The following COMMD10 variants were observed in gnomAD, a reference collection of about 807,000 sequenced individuals.
The protein encoded by COMMD10 is COMM domain containing 10.
COMMD10 carries 33 observed loss-of-function variants against 28.9 expected under a neutral mutation model. The observed-to-expected ratio is 1.14, with a 90% CI of 0.87 to 1.53. The LOEUF (loss-of-function observed/expected upper bound fraction) is 1.53, where lower values mean the gene tolerates loss of function less well. Ranked by LOEUF, COMMD10 falls within the 40% of genes most tolerant of loss-of-function variation. The pLI is 0.00. For missense variants in COMMD10, 310 were observed against 233.4 expected (o/e 1.33, Z -2.14); for synonymous variants, 110 against 81.7 (o/e 1.35, Z -1.87).
chr5:116,136,587 T>C (rs1752030676), intron 5 of COMMD10, among the ~76,000 whole-genome samples: 2 of 152,196 alleles, frequency 1.3e-5, no homozygotes, highest in African/African-American at 4.8e-5. Context: ...GTGTCTGTTA[T>C]ATTTTTAGGC....
chr5:116,256,123 A>T (rs768945612), intron 5 of COMMD10, among the ~76,000 whole-genome samples: 1 of 151,730 alleles, frequency 6.6e-6, no homozygotes, highest in East Asian at 1.9e-4. Context: ...TAAGTCTGTA[A>T]TATTTTACTT....
intron 5 of COMMD10, among the ~76,000 whole-genome samples, chr5:116,218,705 G>A (rs1749167750): frequency 6.6e-6 from 1 of 152,108 alleles, no homozygotes; most frequent in Non-Finnish European, 1.5e-5. Context: ...TCTTGGTGAG[G>A]CAGAATAGAA....
chr5:116,128,055 A>T (rs1304120644), intron 4 of COMMD10, among the ~76,000 whole-genome samples: 1 of 152,072 alleles, frequency 6.6e-6, no homozygotes, highest in Non-Finnish European at 1.5e-5. Context: ...TTGCTGTGGG[A>T]CATAGTCGAA....
At chr5:116,101,421 A>G (rs1257878644) in intron 4 of COMMD10, among the ~76,000 whole-genome samples, 1 of 150,510 alleles carries the variant, frequency 6.6e-6, no homozygotes, top group Non-Finnish European at 1.5e-5. Context: ...TTTATTTTTT[A>G]TTTATTTATT....
At chr5:116,110,792 A>T (rs1028877990) in intron 4 of COMMD10, among the ~76,000 whole-genome samples, 10 of 152,156 alleles carry the variant, frequency 6.6e-5, no homozygotes, top group African/African-American at 2.4e-4. Context: ...TCAGAGCAGG[A>T]ACAAGAGAGG....
At chr5:116,228,582 A>G (rs1343159459) in intron 5 of COMMD10, among the ~76,000 whole-genome samples, 1 of 152,010 alleles carries the variant, frequency 6.6e-6, no homozygotes, top group Non-Finnish European at 1.5e-5. Context: ...TTCTTTTCAA[A>G]GTTTCAGTTA....
intron 1 of COMMD10, among the ~76,000 whole-genome samples, chr5:116,086,880 G>A (rs1019716143): frequency 6.6e-5 from 10 of 152,172 alleles, no homozygotes; most frequent in Non-Finnish European, 1.2e-4. Context: ...GGGAGGCTGA[G>A]GCACAAGGAT....
At chr5:116,151,431 G>A (rs1184343800) in intron 5 of COMMD10, among the ~76,000 whole-genome samples, 15 of 151,742 alleles carry the variant, frequency 9.9e-5, no homozygotes, top group South Asian at 2.1e-4. Context: ...TTCAGAAGGA[G>A]TGGTACCAGT....
intron 5 of COMMD10, among the ~76,000 whole-genome samples, chr5:116,268,056 A>G (rs1236823718): frequency 3.3e-5 from 5 of 151,868 alleles, no homozygotes; most frequent in Non-Finnish European, 7.4e-5. Context: ...CTTCATGTCT[A>G]AAACACCAAA....
intron 5 of COMMD10, among the ~76,000 whole-genome samples, chr5:116,226,141 C>T (rs890228765): frequency 2.0e-5 from 3 of 151,996 alleles, no homozygotes; most frequent in African/African-American, 2.4e-5. Context: ...AAACTCTCTT[C>T]AGCCTTATGT....
At chr5:116,118,644 T>C (rs1751321121) in intron 4 of COMMD10, among the ~76,000 whole-genome samples, 1 of 152,200 alleles carries the variant, frequency 6.6e-6, no homozygotes, top group Non-Finnish European at 1.5e-5. Context: ...ATTTTATGGC[T>C]CTTGAATTTT....
At chr5:116,262,629 G>A (rs577019103) in intron 5 of COMMD10, among the ~76,000 whole-genome samples, 105 of 151,942 alleles carry the variant, frequency 6.9e-4, no homozygotes, top group Non-Finnish European at 1.2e-3. Context: ...TTTTGTAAGT[G>A]TTGGTTATTA....
chr5:116,101,134 A>T (rs1266246585), intron 4 of COMMD10, among the ~76,000 whole-genome samples: 1 of 152,104 alleles, frequency 6.6e-6, no homozygotes, highest in African/African-American at 2.4e-5. Flanking sequence ...TATTTTCTTT[A>T]TCCAGTCATC....
intron 4 of COMMD10, among the ~76,000 whole-genome samples, chr5:116,126,094 A>G (rs1580467178): frequency 6.6e-6 from 1 of 152,220 alleles, no homozygotes; most frequent in East Asian, 1.9e-4. Flanking sequence ...AGGATACAAA[A>G]TCAGTGTGCA....
chr5:116,155,616 G>A (rs1309701374), intron 5 of COMMD10, among the ~76,000 whole-genome samples: 1 of 152,098 alleles, frequency 6.6e-6, no homozygotes. Flanking sequence ...TTGACAAAGT[G>A]AGGAATGTGA....
At chr5:116,205,580 A>G (rs1541655) in intron 5 of COMMD10, among the ~76,000 whole-genome samples, 56,642 of 152,018 alleles carry the variant, frequency 0.37, 13,021 homozygotes, top group African/African-American at 0.66. Flanking sequence ...GTGAATACAT[A>G]TATGGCTATA....
At chr5:116,213,859 T>A (rs1233872710) in intron 5 of COMMD10, among the ~76,000 whole-genome samples, 1 of 152,182 alleles carries the variant, frequency 6.6e-6, no homozygotes, top group African/African-American at 2.4e-5. Flanking sequence ...ATTTTACTTA[T>A]ATACCCAAAT....
chr5:116,285,873 C>G (rs1751206604), intron 5 of COMMD10, among the ~76,000 whole-genome samples: 1 of 151,752 alleles, frequency 6.6e-6, no homozygotes, highest in East Asian at 1.9e-4. Flanking sequence ...TAATACTGGC[C>G]TCATTAGAAT....
At chr5:116,270,642 T>G (rs1580601103) in intron 5 of COMMD10, among the ~76,000 whole-genome samples, 1 of 151,806 alleles carries the variant, frequency 6.6e-6, no homozygotes, top group East Asian at 1.9e-4. Context: ...ATATAAAGGT[T>G]ATATATAAAT....
Sources: gnomAD v4.1 joint callset for allele counts (sites outside exome capture counted in the v4.1 genomes callset) on GRCh38, gnomAD v4.1.1 for gene constraint, MANE v1.5 for transcripts, NCBI Gene and HGNC (gene_info 2026-07-23, HGNC 2026-07-21) for gene names.